LNX1: variants seen among roughly 807,000 people sequenced by gnomAD.
The protein encoded by LNX1 is ligand of numb-protein X 1.
A neutral mutation model predicts 68.4 loss-of-function variants in LNX1; 54 were observed. That is an observed-to-expected ratio of 0.79 (90% CI 0.63 to 0.99). LNX1 has a LOEUF of 0.99. LNX1 is among the 50% of genes least tolerant of loss of function. The probability of loss-of-function intolerance (pLI) is 0.00; values close to 1 mark genes in which losing one functional copy is unlikely to be tolerated. For synonymous variants in LNX1, 336 were observed against 350.0 expected (o/e 0.96, Z 0.45); for missense variants, 906 against 926.4 (o/e 0.98, Z 0.29).
intron 2 of LNX1, among the ~76,000 whole-genome samples, chr4:53,573,159 A>G (rs1312403660): frequency 1.3e-5 from 2 of 152,212 alleles, no homozygotes; most frequent in Non-Finnish European, 2.9e-5. Context: ...ATACTGTATG[A>G]TGTCGTTGAT....
At chr4:53,638,028 G>C (rs1734547335) in intron 1 of LNX1, among the ~76,000 whole-genome samples, 1 of 152,178 alleles carries the variant, frequency 6.6e-6, no homozygotes, top group African/African-American at 2.4e-5. Context: ...CACGATGGTG[G>C]CATTTTAACA....
intron 6 of LNX1, among the ~76,000 whole-genome samples, chr4:53,489,626 C>T (rs553606867): frequency 4.9e-4 from 74 of 152,180 alleles, no homozygotes; most frequent in African/African-American, 1.3e-3. Context: ...TCAAGATCCC[C>T]TAATATTTGC....
chr4:53,618,850 T>C (rs1275503774), upstream of LNX1, among the ~76,000 whole-genome samples: 8 of 152,202 alleles, frequency 5.3e-5, no homozygotes, highest in Non-Finnish European at 8.8e-5. Flanking sequence ...TAAAAAAAAT[T>C]TGGTCTGATT....
chr4:53,569,757 C>T (rs1328389714), intron 2 of LNX1, among the ~76,000 whole-genome samples: 1 of 141,758 alleles, frequency 7.1e-6, no homozygotes, highest in Non-Finnish European at 1.5e-5. Context: ...TTTTTGCAAC[C>T]TACTCATCTG....
At position 53,459,872 on chromosome 4, in the gene LNX1, C is replaced by CTT. The variant is rs1721486200; in HGVS notation, c.*1033_*1034dup. On this transcript the variant is annotated 3_prime_UTR_variant, in exon 11 of 11. Transcript: ENST00000263925. The stretch of plus-strand genomic sequence containing the variant: ...TCTAAGGCTTGAGATTAAAACTAGT[C>CTT]TTTATCATTACTGCTGTGACACTCT... 1 of 237,130 alleles carries CTT rather than the reference C, an allele frequency of 4.2e-6. No individual in the cohort carries two copies. Among genetic ancestry groups the CTT allele is most frequent in the Non-Finnish European group, 8.3e-6 (1 of 120,586 alleles). 14.7% of individuals were successfully genotyped at this position (237,130 alleles called of 1,614,324 possible).
chr4:53,468,265 T>G (rs564804560), intron 9 of LNX1, among the ~76,000 whole-genome samples: 1 of 152,156 alleles, frequency 6.6e-6, no homozygotes, highest in Non-Finnish European at 1.5e-5. Flanking sequence ...GAAGGAGAAA[T>G]AAAATACTTT....
intron 2 of LNX1, among the ~76,000 whole-genome samples, chr4:53,566,583 G>A (rs1730709188): frequency 6.6e-6 from 1 of 151,298 alleles, no homozygotes; most frequent in South Asian, 2.1e-4. Context: ...GGAAGAAACT[G>A]CATCAACTAA....
At chr4:53,480,478 TTCAA>T (rs1464176121) in intron 7 of LNX1, among the ~76,000 whole-genome samples, 1 of 152,194 alleles carries the variant, frequency 6.6e-6, no homozygotes, top group Non-Finnish European at 1.5e-5. Flanking sequence ...GGATAAAAAC[TTCAA>T]TTAATTAATT....
At chr4:53,603,133 C>T (rs1423268856) in intron 2 of LNX1, among the ~76,000 whole-genome samples, 1 of 152,212 alleles carries the variant, frequency 6.6e-6, no homozygotes, top group South Asian at 2.1e-4. Context: ...ATCCAGAGCA[C>T]CACAGTGTCA....
intron 1 of LNX1, among the ~76,000 whole-genome samples, chr4:53,624,528 C>T (rs1358501479): frequency 2.0e-5 from 3 of 152,124 alleles, no homozygotes; most frequent in Admixed American, 6.5e-5. Flanking sequence ...TTATAAATTA[C>T]CCAGTCTCAG....
Position 53,498,654 on chromosome 4 carries a change from T to A in LNX1, c.965A>T (p.Asp322Val), listed in dbSNP as rs572184157. The change falls in exon 5 of 11, where the codon GAC (aspartate) becomes GTC (valine). Residue 322 changes from aspartate (D) to valine (V), a missense_variant. Transcript: ENST00000263925. ...IARDGRLLPG[D>V]IILKVNGMDI... ...CACAGTCTCTACCTTTAGAATGATG[T>A]CTCCTGGCAGTAGCCGGCCGTCTCT... The A allele has an allele frequency of 2.5e-6, 4 of 1,613,892 alleles. No individual in the cohort carries two copies. The highest frequency in any genetic ancestry group is 2.7e-5 in the African/African-American group (2 of 75,030).
intron 6 of LNX1, among the ~76,000 whole-genome samples, chr4:53,486,796 C>A (rs1457449736): frequency 6.6e-6 from 1 of 152,152 alleles, no homozygotes; most frequent in Non-Finnish European, 1.5e-5. Context: ...CTCAAAATTG[C>A]CAATCATATT....
At chr4:53,476,293 A>G (rs1323172251) in intron 9 of LNX1, among the ~76,000 whole-genome samples, 1 of 152,086 alleles carries the variant, frequency 6.6e-6, no homozygotes, top group African/African-American at 2.4e-5. Flanking sequence ...GCAAGACTCT[A>G]TATAAAAATA....
intron 1 of LNX1, among the ~76,000 whole-genome samples, chr4:53,632,806 T>A (rs1213524997): frequency 1.3e-5 from 2 of 152,194 alleles, no homozygotes; most frequent in African/African-American, 4.8e-5. Flanking sequence ...AACAGCAACT[T>A]GGTCACATTT....
intron 1 of LNX1, among the ~76,000 whole-genome samples, chr4:53,625,324 A>G (rs1734032172): frequency 6.6e-6 from 1 of 152,226 alleles, no homozygotes; most frequent in African/African-American, 2.4e-5. Flanking sequence ...TCAATATCAG[A>G]TGAGGGACTT....
At position 53,573,825 on chromosome 4, in the gene LNX1, A is replaced by G; in HGVS notation, c.178T>C (p.Tyr60His). 1.2e-6 allele frequency: 2 copies of G among 1,613,592 alleles called. No homozygotes were observed. The highest frequency in any genetic ancestry group is 1.7e-6 in the Non-Finnish European group (2 of 1,179,758). ...DPLDTPCGHT[Y>H]CTLCLTNFLV... ...AAGTTGGTGAGGCAGAGGGTGCAGT[A>G]GGTGTGTCCACACGGAGTGTCCAGG... Residue 60 changes from tyrosine (Y) to histidine (H), a missense_variant, in exon 2 of 11, where the codon TAC becomes CAC. Coordinates refer to ENST00000263925, the MANE Select transcript of LNX1 (RefSeq NM_001126328.3).
At chr4:53,510,663 T>C (rs1357452382) in intron 2 of LNX1, among the ~76,000 whole-genome samples, 1 of 152,218 alleles carries the variant, frequency 6.6e-6, no homozygotes, top group Non-Finnish European at 1.5e-5. Context: ...GGCTCCAACG[T>C]AACAAATACT....
chr4:53,599,926 C>T (rs1427136610), intron 2 of LNX1, among the ~76,000 whole-genome samples: 2 of 152,124 alleles, frequency 1.3e-5, no homozygotes, highest in Admixed American at 1.3e-4. Flanking sequence ...TGGCATTGCA[C>T]CTTGGGAAGA....
At chr4:53,626,506 T>G (rs1276764472) in intron 1 of LNX1, among the ~76,000 whole-genome samples, 1 of 152,224 alleles carries the variant, frequency 6.6e-6, no homozygotes, top group African/African-American at 2.4e-5. Context: ...TGAGCATGCA[T>G]TGAGCAAGGG....
Sources: gnomAD v4.1 joint callset for allele counts (sites outside exome capture counted in the v4.1 genomes callset) on GRCh38, gnomAD v4.1.1 for gene constraint, MANE v1.5 for transcripts, NCBI Gene and HGNC (gene_info 2026-07-23, HGNC 2026-07-21) for gene names.